DGLUCY: variants seen among roughly 807,000 people sequenced by gnomAD.
DGLUCY encodes the protein D-glutamate cyclase, mitochondrial.
Under a neutral mutation model 58.5 loss-of-function variants are expected in DGLUCY, and 58 were observed. The observed-to-expected ratio is 0.99, with a 90% confidence interval of 0.80 to 1.23. DGLUCY has a LOEUF of 1.23. DGLUCY is among the 50% of genes most tolerant of loss of function. The pLI is 0.00. For synonymous variants in DGLUCY, 325 were observed against 314.1 expected, an observed-to-expected ratio of 1.03 and a Z score of -0.37; for missense variants, 779 against 784.7, an observed-to-expected ratio of 0.99 and a Z score of 0.09.
At chr14:91,125,590 T>C (rs1704253244) in intron 1 of DGLUCY, 1 of 152,280 alleles carries the variant, frequency 6.6e-6, no homozygotes, top group Non-Finnish European at 1.5e-5. Context: ...TGGCAGCCTA[T>C]GCTCACATTG....
intron 1 of DGLUCY, among the ~76,000 whole-genome samples, chr14:91,079,038 G>A (rs1468932543): frequency 1.3e-5 from 2 of 151,768 alleles, no homozygotes; most frequent in Non-Finnish European, 2.9e-5. Flanking sequence ...CGAGTAGCTG[G>A]AACTACAGGC....
At chr14:91,085,775 C>T (rs2044206917) in intron 1 of DGLUCY, among the ~76,000 whole-genome samples, 2 of 151,982 alleles carry the variant, frequency 1.3e-5, no homozygotes, top group East Asian at 1.9e-4. Flanking sequence ...CACCATGTTG[C>T]CCAGGCTGGT....
upstream of DGLUCY, among the ~76,000 whole-genome samples, chr14:91,106,478 G>T (rs1046504103): frequency 6.6e-6 from 1 of 151,732 alleles, no homozygotes. Flanking sequence ...AGGCCGAGGC[G>T]GGCAGATCAT....
At chr14:91,110,754 T>A (rs1313628617), upstream of DGLUCY, among the ~76,000 whole-genome samples, 3 of 152,118 alleles carry the variant, frequency 2.0e-5, no homozygotes, top group Non-Finnish European at 2.9e-5. Context: ...GGGTTTCTAA[T>A]CAAGTTTTTT....
intron 1 of DGLUCY, among the ~76,000 whole-genome samples, chr14:91,098,723 CA>C (rs1185166363): frequency 6.6e-6 from 1 of 152,118 alleles, no homozygotes. Context: ...TCTTAGAAGG[CA>C]GACTCGATAC....
chr14:91,188,354 C>A (rs1274725552), intron 8 of DGLUCY, among the ~76,000 whole-genome samples: 1 of 152,168 alleles, frequency 6.6e-6, no homozygotes, highest in Non-Finnish European at 1.5e-5. Context: ...GCGGCCACAC[C>A]AGACTGAAGG....
intron 1 of DGLUCY, among the ~76,000 whole-genome samples, chr14:91,062,497 G>A (rs1308728185): frequency 2.2e-5 from 3 of 137,972 alleles, no homozygotes; most frequent in Non-Finnish European, 4.6e-5. Flanking sequence ...GCAGTAAGCC[G>A]AGATCACACC....
chr14:91,077,305 G>A (rs779239317), intron 1 of DGLUCY, among the ~76,000 whole-genome samples: 11 of 150,058 alleles, frequency 7.3e-5, no homozygotes. Context: ...AAAGAAGAAA[G>A]CGAGGGAGGA....
chr14:91,168,561 C>T (rs1462898375), intron 4 of DGLUCY, among the ~76,000 whole-genome samples: 1 of 152,196 alleles, frequency 6.6e-6, no homozygotes, highest in African/African-American at 2.4e-5. Flanking sequence ...AGCCCATCCC[C>T]CAGTGGGCTT....
intron 1 of DGLUCY, among the ~76,000 whole-genome samples, chr14:91,079,795 G>A (rs541387173): frequency 1.3e-5 from 2 of 152,276 alleles, no homozygotes; most frequent in East Asian, 1.9e-4. Flanking sequence ...TTTTATGGCT[G>A]TTAAAAAATT....
At chr14:91,072,764 G>A (rs1438718075) in intron 1 of DGLUCY, among the ~76,000 whole-genome samples, 2 of 151,822 alleles carry the variant, frequency 1.3e-5, no homozygotes, top group Non-Finnish European at 2.9e-5. Context: ...GCTCATGCCT[G>A]TAATCCCAGC....
At chr14:91,223,614 T>G in intron 13 of DGLUCY, 4 of 1,244,342 alleles carry the variant, frequency 3.2e-6, no homozygotes, top group Non-Finnish European at 4.2e-6. Context: ...TGCTTTGGGA[T>G]TTTATTTTTG....
At chr14:91,209,515 C>T (rs1595927853) in intron 12 of DGLUCY, among the ~76,000 whole-genome samples, 1 of 152,248 alleles carries the variant, frequency 6.6e-6, no homozygotes, top group East Asian at 1.9e-4. Context: ...CGAGACCATC[C>T]TGGCTAACAC....
intron 1 of DGLUCY, among the ~76,000 whole-genome samples, chr14:91,092,375 G>A (rs1022350979): frequency 6.6e-5 from 10 of 152,186 alleles, no homozygotes; most frequent in Non-Finnish European, 1.3e-4. Context: ...TTTCCATACT[G>A]AGTTGAATCG....
chr14:91,224,896 C>T lies in DGLUCY; in HGVS notation c.*63C>T, dbSNP rs1888004207. 8.1e-6 allele frequency: 12 copies of T among 1,485,032 alleles called. No homozygotes were observed. Among genetic ancestry groups the T allele is most frequent in the Non-Finnish European group, 1.1e-5 (12 of 1,103,740 alleles). The allele number at this position is 1,485,032 out of a possible 1,614,324, so 92.0% of individuals were successfully genotyped here. On this transcript the variant is annotated 3_prime_UTR_variant, in exon 14 of 14. Coordinates refer to ENST00000256324, the MANE Select transcript of DGLUCY (RefSeq NM_001102368.3). ...GGCAGGTCTGCATCCGGGGAGAATG[C>T]AGCTGCTTCTGGCGACAATCCTGCT... is the stretch of plus-strand genomic sequence containing the variant.
intron 11 of DGLUCY, among the ~76,000 whole-genome samples, chr14:91,202,358 T>C (rs1343604267): frequency 6.6e-6 from 1 of 152,166 alleles, no homozygotes; most frequent in Non-Finnish European, 1.5e-5. Flanking sequence ...TCTGGGTGGG[T>C]CTCAGGCCCT....
At chr14:91,214,369 A>C (rs1013835064) in intron 12 of DGLUCY, among the ~76,000 whole-genome samples, 1 of 152,230 alleles carries the variant, frequency 6.6e-6, no homozygotes, top group Non-Finnish European at 1.5e-5. Flanking sequence ...AGAGCCAAGG[A>C]GATGGTCCCA....
In DGLUCY at chr14:91,193,342, C is replaced by T. The variant is rs899868176; in HGVS notation, c.1196-3033C>T. Among the ~76,000 whole-genome samples, 3 of 152,312 alleles carry T rather than the reference C, an allele frequency of 2.0e-5. No individual in the cohort carries two copies. In the East Asian group the frequency reaches 5.8e-4, roughly 29 times the overall value. ...CAGAAGTCACTCTGCCCTCTCTGCT[C>T]ACCTGACAGCCTGGCTTGGAGACGC... On this transcript the variant is annotated intron_variant, in intron 9 of 13. Coordinates refer to ENST00000256324, the MANE Select transcript of DGLUCY (RefSeq NM_001102368.3).
At chr14:91,213,256 A>G (rs1440867648) in intron 12 of DGLUCY, among the ~76,000 whole-genome samples, 1 of 152,080 alleles carries the variant, frequency 6.6e-6, no homozygotes, top group Non-Finnish European at 1.5e-5. Context: ...CCAACGCAGT[A>G]AAACTCCATC....
Sources: allele counts gnomAD v4.1 joint callset (sites outside exome capture counted in the v4.1 genomes callset), GRCh38; gene constraint gnomAD v4.1.1; transcripts MANE v1.5; gene names NCBI Gene and HGNC (gene_info 2026-07-23, HGNC 2026-07-21).